Variants in MBP observed in about 807,000 individuals in gnomAD.
The protein encoded by MBP is Golli-MBP.
Under a neutral mutation model 35.8 loss-of-function variants are expected in MBP, and 16 were observed. The ratio of observed to expected loss-of-function variants is 0.45; its 90% CI spans 0.30 to 0.68. MBP has a LOEUF of 0.68. Ranked by LOEUF, MBP falls within the 30% of genes least tolerant of loss-of-function variation. The pLI is 0.08. For missense variants in MBP, 380 were observed against 404.7 expected, an observed-to-expected ratio of 0.94 and a Z score of 0.52; for synonymous variants, 143 against 159.6, an observed-to-expected ratio of 0.90 and a Z score of 0.78.
chr18:77,064,705 T>C (rs1974120313), intron 3 of MBP, among the ~76,000 whole-genome samples: 1 of 152,182 alleles, frequency 6.6e-6, no homozygotes. Context: ...AGCTGAAATA[T>C]AAAGAAAGGC....
At chr18:77,066,407 A>G in intron 2 of MBP, 22 bp from the exon 3 acceptor site, 1 of 1,411,570 alleles carries the variant, frequency 7.1e-7, no homozygotes, top group South Asian at 1.2e-5. Flanking sequence ...AAACACAACA[A>G]ACCCTTTTCT....
At chr18:77,128,545 A>G (rs1202793626) in intron 1 of MBP, among the ~76,000 whole-genome samples, 2 of 152,140 alleles carry the variant, frequency 1.3e-5, no homozygotes, top group South Asian at 2.1e-4. Flanking sequence ...ACACACACAC[A>G]CACACAGAGC....
intron 3 of MBP, among the ~76,000 whole-genome samples, chr18:77,061,123 G>A (rs574967069): frequency 7.3e-6 from 1 of 137,786 alleles, no homozygotes; most frequent in African/African-American, 2.5e-5. Flanking sequence ...TCCTCTGATG[G>A]CTAGACACAG....
intron 1 of MBP, chr18:77,115,157 G>T (rs1265763567): frequency 6.6e-6 from 1 of 152,234 alleles, no homozygotes; most frequent in African/African-American, 2.4e-5. Flanking sequence ...TGACACCTTT[G>T]CCAATACCAC....
intron 4 of MBP, among the ~76,000 whole-genome samples, chr18:76,992,970 C>T (rs1177936810): frequency 1.3e-5 from 2 of 152,228 alleles, no homozygotes; most frequent in Non-Finnish European, 2.9e-5. Context: ...CTTCTCCCAT[C>T]TGTCTGAAAC....
intron 3 of MBP, among the ~76,000 whole-genome samples, chr18:77,056,277 C>T (rs1973716565): frequency 6.6e-6 from 1 of 152,248 alleles, no homozygotes. Context: ...ACCATTGGCC[C>T]AGACAGCCTT....
rs75732287 is a variant in MBP at position 77,077,895 on chromosome 18, A to T, written c.52-11510T>A. ...TTAATTCGGGGAGAGTGCAGGTCTT[A>T]TATTTGCCAATTTCTAGACTGAGGT... On this transcript the variant is annotated intron_variant, in intron 2 of 8. Transcript: ENST00000355994. 9.8e-4 allele frequency among the ~76,000 whole-genome samples: 149 copies of T among 152,366 alleles called. No individual in the cohort carries two copies. The East Asian group carries it at 0.025, about 25-fold the overall frequency.
intron 2 of MBP, among the ~76,000 whole-genome samples, chr18:77,091,572 G>A (rs1474149760): frequency 6.8e-6 from 1 of 147,998 alleles, no homozygotes; most frequent in Non-Finnish European, 1.5e-5. Context: ...GATGACGTCT[G>A]CAGGGCAAGA....
intron 3 of MBP, among the ~76,000 whole-genome samples, chr18:77,057,688 T>A (rs1973777569): frequency 1.3e-5 from 2 of 152,158 alleles, no homozygotes; most frequent in Non-Finnish European, 2.9e-5. Context: ...AATACACACA[T>A]CATTTGAAAA....
intron 7 of MBP, chr18:76,987,740 CTT>C (rs1390471737): frequency 2.0e-6 from 2 of 1,001,550 alleles, no homozygotes; most frequent in African/African-American, 3.5e-5. Flanking sequence ...AAAATTATAA[CTT>C]TTATACAGTA....
intron 2 of MBP, among the ~76,000 whole-genome samples, chr18:77,099,802 C>A (rs1021383420): frequency 2.6e-4 from 39 of 152,200 alleles, no homozygotes; most frequent in African/African-American, 8.0e-4. Context: ...GAGCCGCCAG[C>A]TGGGGCCTGT....
chr18:77,133,452 G>C (rs1599304070), upstream of MBP: 1 of 152,346 alleles, frequency 6.6e-6, no homozygotes, highest in South Asian at 2.1e-4. Flanking sequence ...GCAGCCCAGA[G>C]ACATCGTGGT....
intron 7 of MBP, chr18:76,985,621 G>C: frequency 9.5e-7 from 1 of 1,054,386 alleles, no homozygotes; most frequent in Non-Finnish European, 1.1e-6. Context: ...GGCCTGGCTG[G>C]CACGGGGGGC....
intron 3 of MBP, among the ~76,000 whole-genome samples, chr18:77,027,365 C>G (rs190892943): frequency 6.6e-6 from 1 of 152,332 alleles, no homozygotes; most frequent in African/African-American, 2.4e-5. Flanking sequence ...GACCCTGTAT[C>G]TGCCTGCACA....
chr18:76,989,715 A>C lies in MBP; in HGVS notation c.681+241T>G. 1 of 488,218 alleles carries C rather than the reference A, an allele frequency of 2.0e-6. No homozygotes were observed. 30.2% of individuals were successfully genotyped at this position (488,218 alleles called of 1,614,324 possible). A position where few individuals can be genotyped will look rare whatever the true frequency, so the allele number is the denominator to read the frequency against. Reference sequence around the variant, plus strand: ...CGTTACATGGGAGCCTAATCTCAAGAGAAGTGAGCTCTCTGGAGAACGCAC... The same window carrying C: ...CGTTACATGGGAGCCTAATCTCAAGCGAAGTGAGCTCTCTGGAGAACGCAC... On this transcript the variant is annotated intron_variant, in intron 5 of 8. Coordinates refer to ENST00000355994, the MANE Select transcript of MBP (RefSeq NM_001025101.2). This position sits in a 1 kb window ranked among gnomAD's most constrained non-coding sequence, Gnocchi z 4.0.
At chr18:77,047,292 T>C (rs1468847649) in intron 3 of MBP, among the ~76,000 whole-genome samples, 1 of 152,218 alleles carries the variant, frequency 6.6e-6, no homozygotes, top group Admixed American at 6.5e-5. Flanking sequence ...CACGATAGAA[T>C]ATCCTCCTGT....
chr18:77,059,157 T>A (rs1179951461), intron 3 of MBP, among the ~76,000 whole-genome samples: 3 of 152,238 alleles, frequency 2.0e-5, no homozygotes, highest in Non-Finnish European at 2.9e-5. Flanking sequence ...AAGTGCCAAC[T>A]GTAGCATGGT....
At chr18:77,028,612 G>A (rs1453555753) in intron 3 of MBP, among the ~76,000 whole-genome samples, 2 of 75,700 alleles carry the variant, frequency 2.6e-5, no homozygotes, top group Non-Finnish European at 7.0e-5. Context: ...GGCTGGCCGG[G>A]CGGGGGGCTG....
At chr18:77,012,916 T>A (rs762940425) in intron 4 of MBP, 12 of 985,474 alleles carry the variant, frequency 1.2e-5, no homozygotes, top group Non-Finnish European at 1.4e-5. Flanking sequence ...TACATTCCCA[T>A]GATTTACAAA....
Sources: allele counts gnomAD v4.1 joint callset (sites outside exome capture counted in the v4.1 genomes callset), GRCh38; gene constraint gnomAD v4.1.1; non-coding constraint Gnocchi (gnomAD v3.1); transcripts MANE v1.5; gene names NCBI Gene and HGNC (gene_info 2026-07-23, HGNC 2026-07-21).